PDE1C: variants seen among roughly 807,000 people sequenced by gnomAD.
PDE1C encodes the protein phosphodiesterase 1C.
A neutral mutation model predicts 93.1 loss-of-function variants in PDE1C; 62 were observed. The ratio of observed to expected loss-of-function variants is 0.67; its 90% CI spans 0.54 to 0.82. The LOEUF (loss-of-function observed/expected upper bound fraction) is 0.82. Among genes scored for constraint, PDE1C ranks in the 40% least tolerant of loss-of-function variants. The pLI is 0.00. For synonymous variants in PDE1C, 325 were observed against 310.1 expected (o/e 1.05, Z -0.50); for missense variants, 742 against 884.6 (o/e 0.84, Z 2.04).
At chr7:32,057,510 G>T (rs76189106) in intron 1 of PDE1C, among the ~76,000 whole-genome samples, 5,503 of 152,264 alleles carry the variant, frequency 0.036, 115 homozygotes, top group Middle Eastern at 0.085. Flanking sequence ...TGAAATAGGA[G>T]CATCATCAAA....
intron 17 of PDE1C, among the ~76,000 whole-genome samples, chr7:31,760,479 C>T (rs1340269843): frequency 1.3e-5 from 2 of 152,130 alleles, no homozygotes; most frequent in South Asian, 2.1e-4. Context: ...GGCCTTGGTC[C>T]TTTCAATCCA....
chr7:31,935,962 G>A (rs1804996792), intron 2 of PDE1C, among the ~76,000 whole-genome samples: 1 of 152,076 alleles, frequency 6.6e-6, no homozygotes, highest in Non-Finnish European at 1.5e-5. Context: ...TTGATAAAGG[G>A]AGGAAACTTC....
At chr7:32,066,260 C>T (rs903960036) in intron 1 of PDE1C, among the ~76,000 whole-genome samples, 3 of 152,120 alleles carry the variant, frequency 2.0e-5, no homozygotes, top group African/African-American at 7.2e-5. Flanking sequence ...GGAGTAGAGT[C>T]TGTTAGCATA....
chr7:31,913,311 T>C (rs73308614), intron 2 of PDE1C, among the ~76,000 whole-genome samples: 10,326 of 152,246 alleles, frequency 0.068, 543 homozygotes, highest in African/African-American at 0.15. Flanking sequence ...GGAATGAAAT[T>C]TCAGCATTTC....
the PDE1C span, among the ~76,000 whole-genome samples, chr7:31,673,740 T>A: frequency 6.6e-6 from 1 of 152,070 alleles, no homozygotes; most frequent in Non-Finnish European, 1.5e-5. Flanking sequence ...CAAATTGATA[T>A]TCAGTTGTCT....
chr7:31,937,951 A>G (rs1805314129), intron 2 of PDE1C, among the ~76,000 whole-genome samples: 1 of 152,172 alleles, frequency 6.6e-6, no homozygotes, highest in Admixed American at 6.6e-5. Flanking sequence ...TCCATTCCCA[A>G]ACAATGCAAG....
intron 3 of PDE1C, among the ~76,000 whole-genome samples, chr7:32,083,754 C>A (rs1278678324): frequency 1.3e-5 from 2 of 151,848 alleles, no homozygotes; most frequent in African/African-American, 4.8e-5. Flanking sequence ...CCAAACTAAG[C>A]TTCATAAGTG....
intron 2 of PDE1C, among the ~76,000 whole-genome samples, chr7:32,016,661 A>G (rs753412493): frequency 2.0e-5 from 3 of 152,348 alleles, no homozygotes; most frequent in African/African-American, 7.2e-5. Flanking sequence ...GACATGAGGT[A>G]GAATATTATG....
intron 15 of PDE1C, among the ~76,000 whole-genome samples, chr7:31,813,764 G>A (rs920453604): frequency 2.3e-4 from 35 of 152,018 alleles, no homozygotes; most frequent in Non-Finnish European, 2.4e-4. Flanking sequence ...TCACCTGAGC[G>A]GTATACGCTG....
chr7:32,040,853 CTTCT>C (rs1470585141), intron 2 of PDE1C, among the ~76,000 whole-genome samples: 2 of 152,088 alleles, frequency 1.3e-5, no homozygotes, highest in Non-Finnish European at 2.9e-5. Context: ...CTACCCCAAT[CTTCT>C]TTAAGTCCTA....
chr7:31,711,370 A>T, the PDE1C span, among the ~76,000 whole-genome samples: 1 of 152,194 alleles, frequency 6.6e-6, no homozygotes, highest in African/African-American at 2.4e-5. Flanking sequence ...TTCCCATTTC[A>T]TCTCATTTGA....
chr7:31,903,313 T>C (rs1414504442), intron 2 of PDE1C, among the ~76,000 whole-genome samples: 2 of 152,000 alleles, frequency 1.3e-5, no homozygotes, highest in African/African-American at 4.8e-5. Flanking sequence ...TCTGAAGTTG[T>C]ATGGAATGCT....
intron 2 of PDE1C, among the ~76,000 whole-genome samples, chr7:31,982,520 G>A (rs1293182274): frequency 6.6e-6 from 1 of 151,942 alleles, no homozygotes; most frequent in African/African-American, 2.4e-5. Context: ...ACACTAATAG[G>A]GAAGGTTCTA....
intron 1 of PDE1C, among the ~76,000 whole-genome samples, chr7:32,410,313 A>G (rs1398106985): frequency 6.9e-6 from 1 of 144,876 alleles, no homozygotes; most frequent in African/African-American, 2.6e-5. Context: ...CCTGGGCCAC[A>G]GAGTGAGACC....
At chr7:32,179,336 T>G (rs1204408101) in intron 2 of PDE1C, among the ~76,000 whole-genome samples, 1 of 149,000 alleles carries the variant, frequency 6.7e-6, no homozygotes. Context: ...CTCAGCTCAC[T>G]GCAACCTCCA....
At chr7:31,698,489 C>A in the PDE1C span, among the ~76,000 whole-genome samples, 1 of 152,226 alleles carries the variant, frequency 6.6e-6, no homozygotes, top group Non-Finnish European at 1.5e-5. Context: ...TTCACACACA[C>A]ACATTTCTAC....
the PDE1C span, among the ~76,000 whole-genome samples, chr7:31,644,170 G>T: frequency 1.3e-5 from 2 of 152,150 alleles, no homozygotes; most frequent in South Asian, 4.1e-4. Context: ...AATAAGCAAA[G>T]CAAATTTTAT....
At chr7:32,070,943 G>T (rs564254730), upstream of PDE1C, 2 of 985,238 alleles carry the variant, frequency 2.0e-6, no homozygotes, top group East Asian at 1.1e-4. Flanking sequence ...CCCTGGCCGC[G>T]CCTGCCTTCG....
chr7:31,646,938 T>C, the PDE1C span, among the ~76,000 whole-genome samples: 10 of 152,376 alleles, frequency 6.6e-5, no homozygotes, highest in Non-Finnish European at 1.5e-4. Context: ...AAATGGATGC[T>C]ATATAAGGTT....
Sources: gnomAD v4.1 joint callset for allele counts (sites outside exome capture counted in the v4.1 genomes callset) on GRCh38, gnomAD v4.1.1 for gene constraint, MANE v1.5 for transcripts, NCBI Gene and HGNC (gene_info 2026-07-23, HGNC 2026-07-21) for gene names.